The following FAT1 variants were observed in gnomAD, a reference collection of about 807,000 sequenced individuals.
The protein encoded by FAT1 is FAT atypical cadherin 1.
Under a neutral mutation model 329.8 loss-of-function variants are expected in FAT1, and 171 were observed. The ratio of observed to expected loss-of-function variants is 0.52; its 90% CI spans 0.46 to 0.59. The LOEUF (loss-of-function observed/expected upper bound fraction) is 0.59. FAT1 is among the 20% of genes least tolerant of loss of function. FAT1 has a pLI of 0.00. For missense variants in FAT1, 5,672 were observed against 5,774.4 expected, an observed-to-expected ratio of 0.98 and a Z score of 0.57; for synonymous variants, 2,233 against 2,228.6, an observed-to-expected ratio of 1.00 and a Z score of -0.06.
intron 2 of FAT1, among the ~76,000 whole-genome samples, chr4:186,706,072 A>C (rs996076912): frequency 5.9e-5 from 9 of 152,184 alleles, no homozygotes; most frequent in African/African-American, 1.9e-4. Context: ...TACTAAGTGA[A>C]GACCACATTA....
Position 186,709,647 on chromosome 4 carries a change from C to T in FAT1, c.181G>A (p.Val61Ile), listed in dbSNP as rs754981387. The change falls in exon 2 of 27, where the codon GTT (valine) becomes ATT (isoleucine). Residue 61 changes from valine to isoleucine, a missense_variant. Physicochemically the swap from Val to Ile is conservative, Grantham distance 29 (BLOSUM62 3). Coordinates refer to ENST00000441802, the MANE Select transcript of FAT1 (RefSeq NM_005245.4). ...TCCCACGCTGGATGTGTAATGTAAA[C>T]ACCCATCTTGACAGGATGCCCCACA... ...TYVGHPVKMG[V>I]YITHPAWEVR... 2.5e-5 allele frequency: 41 copies of T among 1,613,836 alleles called. No individual in the cohort carries two copies. Among genetic ancestry groups the T allele is most frequent in the Non-Finnish European group, 3.3e-5 (39 of 1,179,878 alleles).
Position 186,639,840 on chromosome 4 carries a change from T to C in FAT1, c.3581-57A>G, listed in dbSNP as rs1353763848. 3 of 1,413,672 alleles carry C rather than the reference T, an allele frequency of 2.1e-6. No individual in the cohort carries two copies. The East Asian group carries it at 6.9e-5, about 32-fold the overall frequency. 87.6% of individuals were successfully genotyped at this position (1,413,672 alleles called of 1,614,324 possible). A position where few individuals can be genotyped will look rare whatever the true frequency, so the allele number is the denominator to read the frequency against. On this transcript the variant is annotated intron_variant, in intron 3 of 26. Coordinates refer to ENST00000441802, the MANE Select transcript of FAT1 (RefSeq NM_005245.4). ...CAAAATAAGGTCAATTACAAAATAC[T>C]GCAATTAAAATCACACTCTTGGCCA...
In FAT1 at chr4:186,636,871, G is replaced by A. The variant is rs2126565014; in HGVS notation, c.3686C>T (p.Ala1229Val). The A allele has an allele frequency of 2.5e-6, 4 of 1,613,570 alleles. No homozygotes were observed. The highest frequency in any genetic ancestry group is 3.4e-6 in the Non-Finnish European group (4 of 1,179,726). ...DNGSPPKSTIARVIVKILDEN... is the reference protein window; with the variant it reads ...DNGSPPKSTIVRVIVKILDEN... Reference sequence around the variant, plus strand: ...ATCAAGGATTTTCACAATGACTCTTGCAATGGTTGATTTGGGGGGACTACC... The same window carrying A: ...ATCAAGGATTTTCACAATGACTCTTACAATGGTTGATTTGGGGGGACTACC... The change falls in exon 5 of 27, where the codon GCA becomes GTA. Residue 1229 changes from alanine (A) to valine (V), a missense_variant. This residue lies in a region of FAT1 where 3,966 missense variants were observed against 3,915.2 expected (regional missense o/e 1.01). Coordinates refer to ENST00000441802, the MANE Select transcript of FAT1 (RefSeq NM_005245.4).
chr4:186,651,252 C>T (rs1211176857), intron 3 of FAT1, among the ~76,000 whole-genome samples: 2 of 151,942 alleles, frequency 1.3e-5, no homozygotes, highest in Non-Finnish European at 2.9e-5. Context: ...CCTTTGTAAA[C>T]ATGTCATCCA....
At chr4:186,667,998 C>T (rs1200937432) in intron 2 of FAT1, among the ~76,000 whole-genome samples, 1 of 152,108 alleles carries the variant, frequency 6.6e-6, no homozygotes, top group South Asian at 2.1e-4. Flanking sequence ...GAGGAAAGGC[C>T]ACAAGGAGTT....
intron 3 of FAT1, among the ~76,000 whole-genome samples, chr4:186,662,128 C>T (rs1579407760): frequency 6.6e-6 from 1 of 151,300 alleles, no homozygotes; most frequent in African/African-American, 2.4e-5. Flanking sequence ...TTTGTTCACA[C>T]TCACATTGTG....
upstream of FAT1, among the ~76,000 whole-genome samples, chr4:186,725,664 C>T (rs1745695079): frequency 6.6e-6 from 1 of 152,038 alleles, no homozygotes; most frequent in Non-Finnish European, 1.5e-5. This position sits in a 1 kb window ranked among gnomAD's most constrained non-coding sequence, Gnocchi z 5.4. Context: ...AATGGACATG[C>T]CTATTAGCTA....
upstream of FAT1, among the ~76,000 whole-genome samples, chr4:186,724,183 TAAAAAA>T (rs59026469): frequency 0.023 from 1,657 of 71,304 alleles, 17 homozygotes; most frequent in Middle Eastern, 0.053. The surrounding 1 kb of genome is among the most constrained non-coding windows in gnomAD (Gnocchi z 5.3). Flanking sequence ...TTAGCTTAGC[TAAAAAA>T]AAAAAAAAAA....
At chr4:186,696,659 T>A (rs1408051346) in intron 2 of FAT1, among the ~76,000 whole-genome samples, 1 of 152,190 alleles carries the variant, frequency 6.6e-6, no homozygotes, top group Non-Finnish European at 1.5e-5. Context: ...TTTTGGAGAA[T>A]CTTTTAACTA....
chr4:186,610,044 A>G lies in FAT1; in HGVS notation c.9854-29T>C, dbSNP rs372168233. Reference sequence around the variant, plus strand: ...AATAGAAATCAAAATTACTTCCAGCATTCTGCAATGCCACCACATTTTCCC... The same window carrying G: ...AATAGAAATCAAAATTACTTCCAGCGTTCTGCAATGCCACCACATTTTCCC... On this transcript the variant is annotated intron_variant, in intron 14 of 26. Transcript: ENST00000441802. 7.2e-5 allele frequency: 100 copies of G among 1,391,934 alleles called. No homozygotes were observed. In the African/African-American group the frequency reaches 1.3e-3, roughly 18 times the overall value. 86.2% of individuals were successfully genotyped at this position (1,391,934 alleles called of 1,614,324 possible).
rs765867024 is a variant in FAT1 at position 186,618,314 on chromosome 4, C to A, written c.8272G>T (p.Gly2758Trp). 2 of 1,614,018 alleles carry A rather than the reference C, an allele frequency of 1.2e-6. No individual in the cohort carries two copies. The highest frequency in any genetic ancestry group is 4.5e-5 in the East Asian group (2 of 44,880). The change falls in exon 10 of 27, where the codon GGG becomes TGG. Residue 2758 changes from glycine to tryptophan, a missense_variant. Around this residue, in one of 2 missense-constraint regions of FAT1, gnomAD observed 3,966 missense variants for 3,915.2 expected, o/e 1.01. Coordinates refer to ENST00000441802, the MANE Select transcript of FAT1 (RefSeq NM_005245.4). ...DESFVIDRQS[G>W]RLKLEKSLDH... ...AGACTCTTCTCCAACTTCAGTCTCC[C>A]GCTCTGTCTGTCAATCACAAAGGAC...
intron 26 of FAT1, chr4:186,592,591 C>T (rs139501258): frequency 4.6e-6 from 2 of 431,914 alleles, no homozygotes; most frequent in Admixed American, 2.6e-5. Context: ...CCCCTCAAAA[C>T]CACAAACTGT....
intron 2 of FAT1, among the ~76,000 whole-genome samples, chr4:186,693,485 C>A (rs1197371150): frequency 2.2e-5 from 3 of 137,910 alleles, no homozygotes; most frequent in Non-Finnish European, 4.7e-5. Flanking sequence ...ACCATGTAAA[C>A]GGGTCCAGGA....
At chr4:186,714,706 G>T in intron 1 of FAT1, among the ~76,000 whole-genome samples, 1 of 152,232 alleles carries the variant, frequency 6.6e-6, no homozygotes, top group East Asian at 1.9e-4. Flanking sequence ...ATAGTGGTGT[G>T]ATAAGAAACA....
Position 186,707,200 on chromosome 4 carries a change from A to T in FAT1, c.2628T>A (p.Val876=). 6.2e-7 allele frequency: 1 copy of T among 1,613,956 alleles called. No individual in the cohort carries two copies. Among genetic ancestry groups the T allele is most frequent in the Non-Finnish European group, 8.5e-7 (1 of 1,179,894 alleles). The change falls in exon 2 of 27, where the codon GTT becomes GTA. Residue 876 remains valine (V), a synonymous_variant. Transcript: ENST00000441802. ...DTFSIDSVTG[V]VNIARPLDRE... is the part of the protein sequence containing the mutation. ...GATCCAGAGGGCGTGCGATGTTAAC[A>T]ACACCCGTCACGCTGTCAATTGAAA...
At chr4:186,661,841 G>A (rs537571069) in intron 3 of FAT1, among the ~76,000 whole-genome samples, 9 of 152,200 alleles carry the variant, frequency 5.9e-5, no homozygotes, top group Non-Finnish European at 1.3e-4. Context: ...GAGCTGGTCC[G>A]TCAGGAGTTT....
intron 3 of FAT1, among the ~76,000 whole-genome samples, chr4:186,655,588 C>T (rs1225027654): frequency 1.3e-5 from 2 of 152,090 alleles, no homozygotes; most frequent in African/African-American, 4.8e-5. Flanking sequence ...GTGTGCACCA[C>T]CACACCCAGC....
intron 2 of FAT1, among the ~76,000 whole-genome samples, chr4:186,679,588 T>C (rs1743118380): frequency 6.8e-6 from 1 of 148,028 alleles, no homozygotes; most frequent in Non-Finnish European, 1.5e-5. Flanking sequence ...AAAACCTAAA[T>C]ACAAATTCAA....
intron 2 of FAT1, among the ~76,000 whole-genome samples, chr4:186,687,424 T>C (rs1743525269): frequency 6.6e-6 from 1 of 152,092 alleles, no homozygotes; most frequent in Non-Finnish European, 1.5e-5. Context: ...TTTTAAAAAT[T>C]TCATTACCTT....
Sources: allele counts gnomAD v4.1 joint callset (sites outside exome capture counted in the v4.1 genomes callset), GRCh38; gene constraint gnomAD v4.1.1; regional missense constraint gnomAD v4.1.1; non-coding constraint Gnocchi (gnomAD v3.1); transcripts MANE v1.5; gene names NCBI Gene and HGNC (gene_info 2026-07-23, HGNC 2026-07-21).